GPC5: variants seen among roughly 807,000 people sequenced by gnomAD.
GPC5 encodes the protein glypican-5.
Under a neutral mutation model 53.9 loss-of-function variants are expected in GPC5, and 47 were observed. That is an observed-to-expected ratio of 0.87 (90% CI 0.69 to 1.11). The LOEUF (loss-of-function observed/expected upper bound fraction) is 1.11. GPC5 is among the 50% of genes most tolerant of loss of function. The probability of loss-of-function intolerance (pLI) is 0.00; values close to 1 mark genes in which losing one functional copy is unlikely to be tolerated. For synonymous variants in GPC5, 286 were observed against 263.3 expected (o/e 1.09, Z -0.84); for missense variants, 748 against 713.1 (o/e 1.05, Z -0.56).
At chr13:91,715,770 G>GTCTCTCTCTCTCTCTC (rs55859912) in intron 3 of GPC5, among the ~76,000 whole-genome samples, 1 of 132,818 alleles carries the variant, frequency 7.5e-6, no homozygotes, top group African/African-American at 2.8e-5. Flanking sequence ...TTAAGATAGG[G>GTCTCTCTCTCTCTCTC]TCTCTCTCTC....
At chr13:92,234,108 G>A (rs969618008) in intron 7 of GPC5, among the ~76,000 whole-genome samples, 2 of 152,094 alleles carry the variant, frequency 1.3e-5, no homozygotes, top group Non-Finnish European at 2.9e-5. Context: ...GAATAGTGCT[G>A]CAATAAACAT....
chr13:91,566,597 C>T (rs1208441991), intron 2 of GPC5, among the ~76,000 whole-genome samples: 4 of 152,086 alleles, frequency 2.6e-5, no homozygotes, highest in East Asian at 1.9e-4. Flanking sequence ...AACTATTTCC[C>T]AGATATCTGA....
chr13:92,333,526 A>G (rs1295578273), intron 7 of GPC5, among the ~76,000 whole-genome samples: 1 of 152,056 alleles, frequency 6.6e-6, no homozygotes, highest in Non-Finnish European at 1.5e-5. Context: ...TTTTCTATTT[A>G]TGGGGTGGTG....
chr13:92,571,613 C>T (rs115283514), intron 7 of GPC5, among the ~76,000 whole-genome samples: 27 of 150,800 alleles, frequency 1.8e-4, no homozygotes, highest in Non-Finnish European at 3.7e-4. Flanking sequence ...AGTGCCTTTC[C>T]GGTATCAGTG....
At chr13:92,464,794 G>C (rs946864116) in intron 7 of GPC5, among the ~76,000 whole-genome samples, 9 of 151,814 alleles carry the variant, frequency 5.9e-5, no homozygotes, top group Admixed American at 4.6e-4. Context: ...ACGTGTGTTT[G>C]TTTATGGGCT....
At chr13:92,286,376 C>G (rs2139176912) in intron 7 of GPC5, among the ~76,000 whole-genome samples, 1 of 152,244 alleles carries the variant, frequency 6.6e-6, no homozygotes, top group East Asian at 1.9e-4. Context: ...CCCAGCCATC[C>G]CATTACGGGT....
chr13:91,992,994 T>C (rs1371242627), intron 6 of GPC5, among the ~76,000 whole-genome samples: 1 of 152,202 alleles, frequency 6.6e-6, no homozygotes, highest in Non-Finnish European at 1.5e-5. Flanking sequence ...TATTAATCCA[T>C]TTTAAACGAA....
chr13:92,836,981 T>A (rs1211693673), intron 7 of GPC5, among the ~76,000 whole-genome samples: 1 of 151,936 alleles, frequency 6.6e-6, no homozygotes, highest in African/African-American at 2.4e-5. Flanking sequence ...TCTAAAAATA[T>A]TAAAAGGATT....
chr13:91,876,686 C>T (rs1160174529), intron 5 of GPC5, among the ~76,000 whole-genome samples: 1 of 152,116 alleles, frequency 6.6e-6, no homozygotes, highest in Non-Finnish European at 1.5e-5. Context: ...AAATTTGCAG[C>T]CTGATTATGC....
intron 7 of GPC5, among the ~76,000 whole-genome samples, chr13:92,841,231 ACAGT>A (rs1219190462): frequency 6.6e-6 from 1 of 152,128 alleles, no homozygotes; most frequent in Non-Finnish European, 1.5e-5. Context: ...AACATTATTA[ACAGT>A]CAGTCTTATT....
At chr13:91,917,127 CA>C (rs1191254098) in intron 6 of GPC5, among the ~76,000 whole-genome samples, 5 of 152,152 alleles carry the variant, frequency 3.3e-5, no homozygotes, top group Admixed American at 2.0e-4. Context: ...CCTGTAAAAT[CA>C]AAAGCAAGTA....
At chr13:91,688,545 A>G (rs72643254) in intron 2 of GPC5, among the ~76,000 whole-genome samples, 8,976 of 152,266 alleles carry the variant, frequency 0.059, 437 homozygotes, top group East Asian at 0.26. Flanking sequence ...GTGAAAAACT[A>G]ATGCAATAAA....
At chr13:92,046,220 A>G (rs117432421) in intron 6 of GPC5, among the ~76,000 whole-genome samples, 5,643 of 152,296 alleles carry the variant, frequency 0.037, 147 homozygotes, top group Non-Finnish European at 0.053. Flanking sequence ...AGGTGATTAC[A>G]TTTCCTGAAG....
chr13:92,299,403 G>A (rs937466437), intron 7 of GPC5, among the ~76,000 whole-genome samples: 12 of 152,120 alleles, frequency 7.9e-5, no homozygotes, highest in African/African-American at 1.4e-4. Context: ...CACTAGGGTC[G>A]TTATCCAGAC....
chr13:91,718,196 C>T (rs1234584335), intron 3 of GPC5, among the ~76,000 whole-genome samples: 2 of 151,916 alleles, frequency 1.3e-5, no homozygotes, highest in African/African-American at 2.4e-5. Context: ...CTGCAAGCTC[C>T]GCTTCCCCGG....
chr13:92,598,565 T>G (rs1883949388), intron 7 of GPC5, among the ~76,000 whole-genome samples: 1 of 152,130 alleles, frequency 6.6e-6, no homozygotes, highest in African/African-American at 2.4e-5. Context: ...TATGAAATAG[T>G]AAAAAATAAA....
At chr13:92,138,779 A>AG (rs2041806341) in intron 6 of GPC5, among the ~76,000 whole-genome samples, 1 of 152,104 alleles carries the variant, frequency 6.6e-6, no homozygotes, top group African/African-American at 2.4e-5. Flanking sequence ...CACAGAGCAT[A>AG]GGGGAGTTAT....
intron 6 of GPC5, among the ~76,000 whole-genome samples, chr13:91,976,184 A>G (rs1271566205): frequency 6.6e-6 from 1 of 152,194 alleles, no homozygotes; most frequent in Non-Finnish European, 1.5e-5. Context: ...TGACGAGTTA[A>G]TGGGTGCAGC....
chr13:91,536,091 TCA>T (rs1174128128), intron 2 of GPC5, among the ~76,000 whole-genome samples: 2 of 152,226 alleles, frequency 1.3e-5, no homozygotes, highest in Admixed American at 6.5e-5. Flanking sequence ...TTAAATATCT[TCA>T]CCTTTTTATA....
Sources: gnomAD v4.1 joint callset for allele counts (sites outside exome capture counted in the v4.1 genomes callset) on GRCh38, gnomAD v4.1.1 for gene constraint, MANE v1.5 for transcripts, NCBI Gene and HGNC (gene_info 2026-07-23, HGNC 2026-07-21) for gene names.